Variants in REST observed in about 807,000 individuals in gnomAD.
REST encodes RE1-silencing transcription factor.
A neutral mutation model predicts 30.4 loss-of-function variants in REST; 1 was observed. The observed-to-expected ratio is 0.03, with a 90% CI of 0.01 to 0.16. REST has a LOEUF of 0.16. Among genes scored for constraint, REST ranks in the 10% least tolerant of loss-of-function variants. The pLI is 1.00. For missense variants in REST, 1,259 were observed against 1,329.5 expected (o/e 0.95, Z 0.82); for synonymous variants, 504 against 451.1 (o/e 1.12, Z -1.49).
chr4:56,923,593 C>T (rs951965170), intron 3 of REST, among the ~76,000 whole-genome samples: 6 of 151,976 alleles, frequency 3.9e-5, no homozygotes, highest in East Asian at 3.9e-4. Flanking sequence ...TACAGGCACC[C>T]GCCACCATGC....
intron 2 of REST, among the ~76,000 whole-genome samples, chr4:56,918,358 G>A (rs963418544): frequency 1.3e-5 from 2 of 151,770 alleles, no homozygotes; most frequent in Non-Finnish European, 2.9e-5. Flanking sequence ...GCTGGGCTTG[G>A]TGGCACACGC....
rs1721071277 is a variant in REST, at chr4:56,934,154, A to ATT, written c.*2002_*2003insTT. ...GGCTCCGACAATCATTGTCAACAGA[A>ATT]GATCAAGCTGCAAATATTTATGTTT... is the stretch of plus-strand genomic sequence containing the variant. On this transcript the variant is annotated 3_prime_UTR_variant, in exon 4 of 4. Coordinates refer to ENST00000309042, the MANE Select transcript of REST (RefSeq NM_005612.5). 3 of 152,374 alleles carry ATT rather than the reference A, an allele frequency of 2.0e-5. No homozygotes were observed. In the South Asian group the frequency reaches 6.2e-4, roughly 32 times the overall value. 9.4% of individuals were successfully genotyped at this position (152,374 alleles called of 1,614,324 possible).
At chr4:56,919,720 GT>G in intron 2 of REST, 66 bp from the exon 3 acceptor site, 1 of 961,808 alleles carries the variant, frequency 1.0e-6, no homozygotes, top group Non-Finnish European at 1.6e-6. Context: ...TTGTTGCATT[GT>G]TAGTGAGAAT....
chr4:56,918,584 G>T (rs1040330418), intron 2 of REST, among the ~76,000 whole-genome samples: 27 of 151,920 alleles, frequency 1.8e-4, no homozygotes, highest in Admixed American at 1.7e-3. Context: ...TTAGAGACAG[G>T]CTCTCTCTCT....
At chr4:56,928,331 C>G (rs779777783) in intron 3 of REST, among the ~76,000 whole-genome samples, 6 of 152,168 alleles carry the variant, frequency 3.9e-5, no homozygotes, top group Non-Finnish European at 7.3e-5. Context: ...TGGTCTTGAA[C>G]TCCTGACCTC....
In REST at chr4:56,930,307, G is replaced by A; in HGVS notation, c.1449G>A (p.Val483=). Residue 483 remains valine, a synonymous_variant, in exon 4 of 4, where the codon GTG becomes GTA. Transcript: ENST00000309042. ...VSKEKKPSNN[V]SVIQVTTRTR... ...AAGAGAAAAAGCCTTCTAATAATGT[G>A]TCAGTGATCCAGGTGACTACCAGAA... The A allele has an allele frequency of 1.9e-6, 3 of 1,614,024 alleles. No homozygotes were observed. Among genetic ancestry groups the A allele is most frequent in the African/African-American group, 1.3e-5 (1 of 75,058 alleles).
At chr4:56,923,236 A>G (rs1157699069) in intron 3 of REST, among the ~76,000 whole-genome samples, 4 of 152,218 alleles carry the variant, frequency 2.6e-5, no homozygotes, top group African/African-American at 9.6e-5. Flanking sequence ...GTTTCAGATT[A>G]CATATTATAG....
chr4:56,912,339 C>CTTTTTT (rs11318390), intron 2 of REST, among the ~76,000 whole-genome samples: 1 of 112,728 alleles, frequency 8.9e-6, no homozygotes, highest in Admixed American at 9.4e-5. Context: ...AAAGTTGAAA[C>CTTTTTT]TTTTTTTTTT....
chr4:56,925,962 GT>G (rs1720688614), intron 3 of REST, among the ~76,000 whole-genome samples: 1 of 151,906 alleles, frequency 6.6e-6, no homozygotes, highest in Admixed American at 6.6e-5. Context: ...TTTAATTATA[GT>G]TATTTTATTA....
chr4:56,926,012 C>G (rs1348137879), intron 3 of REST, among the ~76,000 whole-genome samples: 6 of 152,108 alleles, frequency 3.9e-5, no homozygotes, highest in African/African-American at 1.4e-4. Flanking sequence ...TTCCACTTAT[C>G]TATTTACTCA....
chr4:56,911,640 G>T, intron 2 of REST, 104 bp downstream of exon 2: 1 of 967,760 alleles, frequency 1.0e-6, no homozygotes, highest in Middle Eastern at 2.2e-4. Context: ...TTCAAATCCA[G>T]GTTCCATTTT....
intron 3 of REST, among the ~76,000 whole-genome samples, chr4:56,920,576 A>T (rs1221282370): frequency 6.6e-6 from 1 of 151,956 alleles, no homozygotes; most frequent in Non-Finnish European, 1.5e-5. Flanking sequence ...TAGCCTGACC[A>T]ACATGGAGAA....
intron 3 of REST, among the ~76,000 whole-genome samples, chr4:56,925,885 G>A (rs371458039): frequency 1.3e-5 from 2 of 152,028 alleles, no homozygotes; most frequent in Non-Finnish European, 1.5e-5. Flanking sequence ...GTGGACCCTC[G>A]CACCTTGATG....
chr4:56,925,763 C>A (rs1461189676), intron 3 of REST, among the ~76,000 whole-genome samples: 1 of 152,150 alleles, frequency 6.6e-6, no homozygotes, highest in Non-Finnish European at 1.5e-5. Context: ...AGCAAGACTT[C>A]ATGGCAATAA....
chr4:56,930,151 A>G lies in REST; in HGVS notation c.1293A>G (p.Lys431=). The change falls in exon 4 of 4, where the codon AAA becomes AAG. Residue 431 remains lysine (K), a synonymous_variant. Coordinates refer to ENST00000309042, the MANE Select transcript of REST (RefSeq NM_005612.5). ...DVSKVKLKKT[K]KREADLPDNI... ...CAAAAGTGAAACTAAAGAAAACCAA[A>G]AAACGAGAGGCTGACTTGCCTGATA... 6.2e-7 allele frequency: 1 copy of G among 1,613,504 alleles called. No homozygotes were observed. Among genetic ancestry groups the G allele is most frequent in the Non-Finnish European group, 8.5e-7 (1 of 1,179,908 alleles).
chr4:56,931,655 A>C lies in REST; in HGVS notation c.2797A>C (p.Thr933Pro). ...GQNLNTPEGETLNGKHQTDSI... is the reference protein window; with the variant it reads ...GQNLNTPEGEPLNGKHQTDSI... ...AAACTTGAATACGCCAGAGGGTGAA[A>C]CTTTAAATGGTAAACATCAGACTGA... is the stretch of plus-strand genomic sequence containing the variant. The change falls in exon 4 of 4, where the codon ACT becomes CCT. Residue 933 changes from threonine to proline, a missense_variant. This residue lies in a region of REST where 856 missense variants were observed against 772.8 expected (regional missense o/e 1.11). Transcript: ENST00000309042. The C allele has an allele frequency of 6.2e-7, 1 of 1,614,224 alleles. No homozygotes were observed.
chr4:56,926,252 G>A (rs992359056), intron 3 of REST, among the ~76,000 whole-genome samples: 2 of 150,996 alleles, frequency 1.3e-5, no homozygotes, highest in African/African-American at 2.4e-5. Context: ...GTAGAGATGG[G>A]GTTTCACCAT....
chr4:56,933,018 AAT>A lies in REST; in HGVS notation c.*869_*870del, dbSNP rs1721027931. 6.6e-6 allele frequency: 1 copy of A among 152,188 alleles called. No individual in the cohort carries two copies. The highest frequency in any genetic ancestry group is 1.5e-5 in the Non-Finnish European group (1 of 68,032). 9.4% of individuals were successfully genotyped at this position (152,188 alleles called of 1,614,324 possible). A position where few individuals can be genotyped will look rare whatever the true frequency, so the allele number is the denominator to read the frequency against. ...TGTGTGCAAGTTTGTGAGCAAATGA[AAT>A]ATGCAGGTTCAATCTATTGATTTTG... On this transcript the variant is annotated 3_prime_UTR_variant, in exon 4 of 4. Coordinates refer to ENST00000309042, the MANE Select transcript of REST (RefSeq NM_005612.5).
Position 56,931,634 on chromosome 4 carries a change from T to C in REST, c.2776T>C (p.Leu926=), listed in dbSNP as rs1321070264. ...CCATATTTCATCCTCTGGACAAAAC[T>C]TGAATACGCCAGAGGGTGAAACTTT... ...STHISSSGQN[L]NTPEGETLNG... The change falls in exon 4 of 4, where the codon TTG becomes CTG. Residue 926 remains leucine (L), a synonymous_variant. Transcript: ENST00000309042. The C allele has an allele frequency of 6.2e-7, 1 of 1,614,242 alleles. No homozygotes were observed. Among genetic ancestry groups the C allele is most frequent in the Non-Finnish European group, 8.5e-7 (1 of 1,180,050 alleles).
Sources: allele counts gnomAD v4.1 joint callset (sites outside exome capture counted in the v4.1 genomes callset), GRCh38; gene constraint gnomAD v4.1.1; regional missense constraint gnomAD v4.1.1; transcripts MANE v1.5; gene names NCBI Gene and HGNC (gene_info 2026-07-23, HGNC 2026-07-21).